LRRFIP2: variants seen among roughly 807,000 people sequenced by gnomAD.
The protein encoded by LRRFIP2 is leucine-rich repeat flightless-interacting protein 2.
Under a neutral mutation model 125.9 loss-of-function variants are expected in LRRFIP2, and 109 were observed. The ratio of observed to expected loss-of-function variants is 0.87; its 90% CI spans 0.74 to 1.01. The LOEUF is 1.01. Ranked by LOEUF, LRRFIP2 falls within the 50% of genes least tolerant of loss-of-function variation. LRRFIP2 has a pLI of 0.00. For missense variants in LRRFIP2, 850 were observed against 862.3 expected (o/e 0.99, Z 0.18); for synonymous variants, 291 against 293.1 (o/e 0.99, Z 0.07).
At chr3:37,129,235 A>G in intron 2 of LRRFIP2, 86 bp from the exon 3 acceptor site, 1 of 1,143,452 alleles carries the variant, frequency 8.7e-7, no homozygotes, top group Non-Finnish European at 1.3e-6. Flanking sequence ...ATGGGACATT[A>G]CCACGCAAAA....
At chr3:37,096,035 T>A (rs191261498) in intron 16 of LRRFIP2, among the ~76,000 whole-genome samples, 1 of 152,330 alleles carries the variant, frequency 6.6e-6, no homozygotes, top group Admixed American at 6.5e-5. Flanking sequence ...ACCTGCTTTT[T>A]ACTTTTTAAA....
At chr3:37,148,787 A>G in intron 2 of LRRFIP2, 107 bp downstream of exon 2, 4 of 1,186,178 alleles carry the variant, frequency 3.4e-6, no homozygotes, top group Non-Finnish European at 4.8e-6. Flanking sequence ...GCTCATAATA[A>G]ACATCTGAAA....
At chr3:37,097,654 TA>T (rs1312220331) in intron 15 of LRRFIP2, among the ~76,000 whole-genome samples, 1 of 152,284 alleles carries the variant, frequency 6.6e-6, no homozygotes, top group East Asian at 1.9e-4. Flanking sequence ...ACAATTAAAT[TA>T]ACCTATCTTC....
intron 11 of LRRFIP2, 29 bp from the exon 12 acceptor site, chr3:37,108,713 T>C: frequency 1.3e-6 from 2 of 1,574,004 alleles, no homozygotes; most frequent in Non-Finnish European, 1.7e-6. Context: ...ATCACTTAGC[T>C]ATTTAGCTTC....
chr3:37,058,586 A>G (rs2087588466), intron 25 of LRRFIP2, among the ~76,000 whole-genome samples: 1 of 151,768 alleles, frequency 6.6e-6, no homozygotes, highest in African/African-American at 2.4e-5. Flanking sequence ...GAGGCAGGAG[A>G]ATTACTTGAA....
At chr3:37,137,462 G>T (rs1032776674) in intron 2 of LRRFIP2, among the ~76,000 whole-genome samples, 1 of 152,076 alleles carries the variant, frequency 6.6e-6, no homozygotes, top group Non-Finnish European at 1.5e-5. Flanking sequence ...CATATCCTTA[G>T]ACAAATCATA....
At chr3:37,076,657 G>A (rs1383324830) in intron 19 of LRRFIP2, among the ~76,000 whole-genome samples, 5 of 152,002 alleles carry the variant, frequency 3.3e-5, no homozygotes, top group East Asian at 1.9e-4. Context: ...ACCTGAGGTC[G>A]GGAGTTCGAG....
At chr3:37,061,010 G>A (rs552002251) in intron 24 of LRRFIP2, among the ~76,000 whole-genome samples, 1 of 152,276 alleles carries the variant, frequency 6.6e-6, no homozygotes, top group South Asian at 2.1e-4. Flanking sequence ...GGGTCATGGG[G>A]CAGATCCCTC....
Position 37,110,964 on chromosome 3 carries a change from CAT to C in LRRFIP2, c.513+25_513+26del, listed in dbSNP as rs758781789. The C allele has an allele frequency of 2.7e-4, 428 of 1,607,170 alleles. 1 individual carries two copies. Among genetic ancestry groups the C allele is most frequent in the South Asian group, 3.3e-4 (30 of 90,356 alleles). Reference sequence around the variant, plus strand: ...AAATATGTTAAAAGTGAATCAAACACATAAAGCCAAAAAAGTTTAGACAAACC... The same window carrying C: ...AAATATGTTAAAAGTGAATCAAACACAAAGCCAAAAAAGTTTAGACAAACC... On this transcript the variant is annotated intron_variant, in intron 9 of 27. Transcript: ENST00000336686.
chr3:37,058,647 C>T (rs2087606011), intron 25 of LRRFIP2, 143 bp downstream of exon 25: 1 of 834,892 alleles, frequency 1.2e-6, no homozygotes, highest in African/African-American at 1.7e-5. Flanking sequence ...TGCACTCTGA[C>T]CTGGGTGACA....
In LRRFIP2 at chr3:37,121,634, C is replaced by T. The variant is rs2095045701; in HGVS notation, c.285+1G>A. On this transcript the variant is annotated splice_donor_variant, in intron 5 of 27. Transcript: ENST00000336686. LOFTEE classifies it high-confidence loss of function. ...AGGCAAGTGTATAGGTTATTACAAA[C>T]CAGATAAGGACGATGGTGACTGGAC... is the stretch of plus-strand genomic sequence containing the variant. 2 of 1,614,014 alleles carry T rather than the reference C, an allele frequency of 1.2e-6. No individual in the cohort carries two copies. Among genetic ancestry groups the T allele is most frequent in the Admixed American group, 1.7e-5 (1 of 59,996 alleles).
At chr3:37,144,129 G>A (rs913073177) in intron 2 of LRRFIP2, among the ~76,000 whole-genome samples, 2 of 152,220 alleles carry the variant, frequency 1.3e-5, no homozygotes, top group African/African-American at 4.8e-5. Flanking sequence ...GGGCAGTGGT[G>A]GTGAGACACG....
chr3:37,084,897 A>G (rs1457491724), intron 18 of LRRFIP2, among the ~76,000 whole-genome samples: 1 of 152,202 alleles, frequency 6.6e-6, no homozygotes, highest in Non-Finnish European at 1.5e-5. Context: ...TCATTTATGG[A>G]AATAAATTTA....
At chr3:37,070,552 A>C (rs1258252594) in intron 21 of LRRFIP2, among the ~76,000 whole-genome samples, 2 of 151,702 alleles carry the variant, frequency 1.3e-5, no homozygotes, top group Non-Finnish European at 2.9e-5. Context: ...CCTGGCCAAC[A>C]TGGTGAAACC....
intron 1 of LRRFIP2, among the ~76,000 whole-genome samples, chr3:37,159,936 T>C (rs369087877): frequency 2.9e-5 from 4 of 138,612 alleles, no homozygotes; most frequent in South Asian, 4.5e-4. Flanking sequence ...TCCCAGCTAC[T>C]TGCAGGGCTG....
chr3:37,170,684 C>G (rs1361949355), intron 1 of LRRFIP2: 1 of 139,674 alleles, frequency 7.2e-6, no homozygotes, highest in Non-Finnish European at 1.6e-5. Context: ...TAATGTAAAA[C>G]ATTTGACCGA....
chr3:37,140,332 C>T (rs915054783), intron 2 of LRRFIP2: 12 of 152,130 alleles, frequency 7.9e-5, no homozygotes, highest in African/African-American at 2.7e-4. Flanking sequence ...AAGCTGTGCT[C>T]GCTATGGCAG....
At position 37,091,497 on chromosome 3, in the gene LRRFIP2, C is replaced by T. The variant is rs1451585888; in HGVS notation, c.1077G>A (p.Gly359=). ...DLKDQIQDVE[G]RYMQGLKELK... ...GTTCTTTAAGCCCCTGCATGTATCT[C>T]CCTTCTACATCCTGTATCTGGTCCT... is the stretch of plus-strand genomic sequence containing the variant. Residue 359 remains glycine, a synonymous_variant, in exon 18 of 28, where the codon GGG becomes GGA. Coordinates refer to ENST00000336686, the MANE Select transcript of LRRFIP2 (RefSeq NM_006309.4). The T allele has an allele frequency of 2.5e-6, 4 of 1,612,474 alleles. No homozygotes were observed. Among genetic ancestry groups the T allele is most frequent in the Non-Finnish European group, 3.4e-6 (4 of 1,179,234 alleles).
intron 24 of LRRFIP2, among the ~76,000 whole-genome samples, chr3:37,061,133 G>A (rs534776609): frequency 4.6e-5 from 7 of 152,100 alleles, no homozygotes; most frequent in South Asian, 2.1e-4. Flanking sequence ...TCTGGCTTCC[G>A]CTCGAGATAT....
Sources: allele counts gnomAD v4.1 joint callset (sites outside exome capture counted in the v4.1 genomes callset), GRCh38; gene constraint gnomAD v4.1.1; transcripts MANE v1.5; gene names NCBI Gene and HGNC (gene_info 2026-07-23, HGNC 2026-07-21).